HMCN1: variants seen among roughly 807,000 people sequenced by gnomAD.
The protein encoded by HMCN1 is hemicentin 1, also known as hemicentin-1.
In HMCN1, 321 loss-of-function variants were observed where a neutral mutation model predicts 625.9. The ratio of observed to expected loss-of-function variants is 0.51; its 90% confidence interval spans 0.47 to 0.56. The LOEUF is 0.56. Ranked by LOEUF, HMCN1 falls within the 20% of genes least tolerant of loss-of-function variation. HMCN1 has a pLI of 0.00. For missense variants in HMCN1, 6,588 were observed against 6,887.3 expected (o/e 0.96, Z 1.54); for synonymous variants, 2,425 against 2,417.6 (o/e 1.00, Z -0.09).
chr1:186,121,654 G>A (rs1661404037), intron 80 of HMCN1, among the ~76,000 whole-genome samples: 1 of 152,128 alleles, frequency 6.6e-6, no homozygotes, highest in African/African-American at 2.4e-5. Context: ...GAAACTATTA[G>A]AAATCCTAGT....
chr1:186,007,071 A>G (rs1486668671), intron 29 of HMCN1, 57 bp from the exon 30 acceptor site: 29 of 1,356,950 alleles, frequency 2.1e-5, no homozygotes, highest in Non-Finnish European at 2.8e-5. Flanking sequence ...GTTGTGATAA[A>G]TAAGAAATGT....
At chr1:185,794,091 T>C (rs1658181821) in intron 1 of HMCN1, among the ~76,000 whole-genome samples, 1 of 152,190 alleles carries the variant, frequency 6.6e-6, no homozygotes, top group Non-Finnish European at 1.5e-5. Flanking sequence ...CTGGGAAATG[T>C]TACGATTTGT....
chr1:186,152,111 T>C (rs1406946678), intron 95 of HMCN1, among the ~76,000 whole-genome samples: 2 of 152,310 alleles, frequency 1.3e-5, no homozygotes, highest in African/African-American at 4.8e-5. Context: ...TTAGGATACT[T>C]TATAGCAGTT....
chr1:186,153,349 A>G (rs1571427203), intron 96 of HMCN1, among the ~76,000 whole-genome samples: 2 of 152,154 alleles, frequency 1.3e-5, no homozygotes, highest in Non-Finnish European at 2.9e-5. Flanking sequence ...CTACTGTACA[A>G]TTATTATACA....
At chr1:185,759,910 T>C (rs1022232383) in intron 1 of HMCN1, among the ~76,000 whole-genome samples, 1 of 152,154 alleles carries the variant, frequency 6.6e-6, no homozygotes, top group Admixed American at 6.5e-5. Flanking sequence ...TGATACCGAA[T>C]GCACTGAATC....
At chr1:185,803,793 A>G (rs962816813) in intron 1 of HMCN1, among the ~76,000 whole-genome samples, 3 of 152,034 alleles carry the variant, frequency 2.0e-5, no homozygotes, top group African/African-American at 7.2e-5. Flanking sequence ...AGGTAAGCCA[A>G]CCCTTCAGTT....
intron 104 of HMCN1, among the ~76,000 whole-genome samples, chr1:186,181,328 C>T (rs1229255663): frequency 6.6e-6 from 1 of 152,156 alleles, no homozygotes; most frequent in East Asian, 1.9e-4. Context: ...TCCCAAATCA[C>T]ATACTTTATC....
rs528278492 is a variant in HMCN1, at chr1:185,993,196, C to T, written c.3392C>T (p.Pro1131Leu). Residue 1131 changes from proline to leucine, a missense_variant, in exon 23 of 107, where the codon CCT becomes CTT. This residue lies in a region of HMCN1 where 4,628 missense variants were observed against 4,853.1 expected (regional missense o/e 0.95). Transcript: ENST00000271588. ...SPFSPRHTFLPSGSMKITETR... is the reference protein window; with the variant it reads ...SPFSPRHTFLLSGSMKITETR... ...CTTTCTTTTAGACACACATTCCTCC[C>T]TTCTGGTTCAATGAAGATCACTGAA... 6.2e-7 allele frequency: 1 copy of T among 1,612,466 alleles called. No homozygotes were observed. The highest frequency in any genetic ancestry group is 1.1e-5 in the South Asian group (1 of 91,040).
chr1:185,825,412 T>C (rs556236757), intron 1 of HMCN1, among the ~76,000 whole-genome samples: 31 of 152,336 alleles, frequency 2.0e-4, no homozygotes, highest in African/African-American at 7.5e-4. Flanking sequence ...CAGTGCTTTC[T>C]TCGTTTCGGA....
intron 1 of HMCN1, among the ~76,000 whole-genome samples, chr1:185,782,436 T>C (rs1157215985): frequency 6.6e-6 from 1 of 152,236 alleles, no homozygotes; most frequent in African/African-American, 2.4e-5. Flanking sequence ...AGATTCTTCC[T>C]AGCCTTGATG....
chr1:185,754,845 C>T (rs760686677), intron 1 of HMCN1, among the ~76,000 whole-genome samples: 22 of 152,012 alleles, frequency 1.4e-4, no homozygotes, highest in Admixed American at 3.3e-4. Flanking sequence ...GAGACCCTGT[C>T]TCAAAAAAAT....
chr1:185,736,714 A>C (rs1207522302), intron 1 of HMCN1, among the ~76,000 whole-genome samples: 1 of 152,210 alleles, frequency 6.6e-6, no homozygotes, highest in Non-Finnish European at 1.5e-5. Flanking sequence ...CCTGCCTTTC[A>C]ATTGTTACCA....
intron 58 of HMCN1, among the ~76,000 whole-genome samples, chr1:186,086,773 G>T (rs1659498415): frequency 2.7e-5 from 4 of 147,418 alleles, no homozygotes; most frequent in Non-Finnish European, 5.9e-5. Flanking sequence ...TAGATAGATA[G>T]GTAGATAGAT....
Position 186,123,048 on chromosome 1 carries a change from C to T in HMCN1, c.12327C>T (p.Asp4109=), listed in dbSNP as rs1661470935. The change falls in exon 81 of 107, where the codon GAC becomes GAT. Residue 4109 remains aspartate (D), a synonymous_variant. Transcript: ENST00000271588. ...AAGCAGATGGCCTCCCTCCGCCTGA[C>T]ATTACATGGCATAAAGATGGGCGTG... ...SCEADGLPPP[D]ITWHKDGRAI... 1.9e-6 allele frequency: 3 copies of T among 1,614,164 alleles called. No homozygotes were observed. Among genetic ancestry groups the T allele is most frequent in the Non-Finnish European group, 2.5e-6 (3 of 1,180,012 alleles).
At chr1:185,896,842 A>T (rs752660683) in intron 4 of HMCN1, among the ~76,000 whole-genome samples, 4 of 152,330 alleles carry the variant, frequency 2.6e-5, no homozygotes, top group South Asian at 2.1e-4. Context: ...ATAACTTAAG[A>T]GTTTTCTTCT....
intron 52 of HMCN1, among the ~76,000 whole-genome samples, chr1:186,073,668 T>G (rs558556282): frequency 6.6e-6 from 1 of 151,986 alleles, no homozygotes; most frequent in East Asian, 1.9e-4. Context: ...GTTGAGAGTT[T>G]TATACAAGGA....
chr1:186,091,715 A>G (rs534936983), intron 64 of HMCN1, among the ~76,000 whole-genome samples: 2 of 152,026 alleles, frequency 1.3e-5, no homozygotes, highest in African/African-American at 4.8e-5. Flanking sequence ...CCCATTACCT[A>G]CACATACCAG....
intron 2 of HMCN1, among the ~76,000 whole-genome samples, chr1:185,857,122 A>G (rs1390422496): frequency 6.6e-6 from 1 of 152,168 alleles, no homozygotes; most frequent in Non-Finnish European, 1.5e-5. Flanking sequence ...TCATTTTGTA[A>G]ACATAATTAT....
At chr1:185,862,461 C>T (rs11807146) in intron 2 of HMCN1, among the ~76,000 whole-genome samples, 55,981 of 151,824 alleles carry the variant, frequency 0.37, 12,817 homozygotes, top group African/African-American at 0.65. Flanking sequence ...GTTTTGAAAC[C>T]AAATATCTAT....
Sources: allele counts gnomAD v4.1 joint callset (sites outside exome capture counted in the v4.1 genomes callset), GRCh38; gene constraint gnomAD v4.1.1; regional missense constraint gnomAD v4.1.1; transcripts MANE v1.5; gene names NCBI Gene and HGNC (gene_info 2026-07-23, HGNC 2026-07-21).